Variants in KIN observed in about 807,000 individuals in gnomAD.
KIN encodes the protein Kin17 DNA and RNA binding protein, also known as DNA/RNA-binding protein KIN17.
A neutral mutation model predicts 63.0 loss-of-function variants in KIN; 47 were observed. That is an observed-to-expected ratio of 0.75 (90% confidence interval 0.59 to 0.95). The LOEUF is 0.95. Among genes scored for constraint, KIN ranks in the 40% least tolerant of loss-of-function variants. The pLI is 0.00. For synonymous variants in KIN, 160 were observed against 157.7 expected, an observed-to-expected ratio of 1.01 and a Z score of -0.11; for missense variants, 408 against 460.9, an observed-to-expected ratio of 0.89 and a Z score of 1.05.
intron 5 of KIN, among the ~76,000 whole-genome samples, chr10:7,776,402 T>A (rs1316418173): frequency 1.5e-5 from 2 of 134,674 alleles, no homozygotes; most frequent in Admixed American, 7.7e-5. Flanking sequence ...TTTAGCCGGG[T>A]GTGATGGCGG....
chr10:7,787,963 C>G lies in KIN; in HGVS notation c.-30G>C. On this transcript the variant is annotated 5_prime_UTR_variant, in exon 1 of 13. Transcript: ENST00000379562. Reference sequence around the variant, plus strand: ...ACCACGGCAGCGATCACTTTCTGGACCCCAGTACTCAGCCAGCCGGAAACG... The same window carrying G: ...ACCACGGCAGCGATCACTTTCTGGAGCCCAGTACTCAGCCAGCCGGAAACG... 6.5e-7 allele frequency: 1 copy of G among 1,531,830 alleles called. No homozygotes were observed. Among genetic ancestry groups the G allele is most frequent in the Non-Finnish European group, 9.0e-7 (1 of 1,105,186 alleles). 94.9% of individuals were successfully genotyped at this position (1,531,830 alleles called of 1,614,324 possible). A position where few individuals can be genotyped will look rare whatever the true frequency, so the allele number is the denominator to read the frequency against.
chr10:7,775,401 A>G (rs1298917663), intron 6 of KIN, among the ~76,000 whole-genome samples: 1 of 152,194 alleles, frequency 6.6e-6, no homozygotes, highest in African/African-American at 2.4e-5. Context: ...GCATCCAGAG[A>G]TGCTCTCTGC....
chr10:7,780,140 A>G lies in KIN; in HGVS notation c.292T>C (p.Tyr98His). Residue 98 changes from tyrosine (Y) to histidine (H), a missense_variant, in exon 4 of 13, where the codon TAC (tyrosine) becomes CAC (histidine). Coordinates refer to ENST00000379562, the MANE Select transcript of KIN (RefSeq NM_012311.4). Reference protein sequence around the residue: ...RVHNNIVYNEYISHREHIHMN... With the variant: ...RVHNNIVYNEHISHREHIHMN... ...TGGATGTGCTCTCGGTGGCTGATGT[A>G]TTCGTTGTAGACAATGTTGTTGTGG... 2 of 1,613,964 alleles carry G rather than the reference A, an allele frequency of 1.2e-6. No homozygotes were observed. The highest frequency in any genetic ancestry group is 1.7e-6 in the Non-Finnish European group (2 of 1,179,912).
At chr10:7,786,834 C>T (rs1453354972) in intron 1 of KIN, among the ~76,000 whole-genome samples, 1 of 152,170 alleles carries the variant, frequency 6.6e-6, no homozygotes, top group African/African-American at 2.4e-5. Flanking sequence ...TTAGATAATG[C>T]ATATACAGGT....
chr10:7,755,409 T>C lies in KIN; in HGVS notation c.*671A>G, dbSNP rs1245568244. 6.6e-6 allele frequency: 1 copy of C among 152,234 alleles called. No homozygotes were observed. Among genetic ancestry groups the C allele is most frequent in the African/African-American group, 2.4e-5 (1 of 41,460 alleles). The allele number at this position is 152,234 out of a possible 1,614,324, so 9.4% of individuals were successfully genotyped here. On this transcript the variant is annotated 3_prime_UTR_variant, in exon 13 of 13. Transcript: ENST00000379562. ...GCCAGTCATAAAAGATCACATATTA[T>C]ATGATTCCATTTATAAGAAATGTCC...
chr10:7,777,298 A>G (rs975263938), intron 5 of KIN, among the ~76,000 whole-genome samples: 1 of 151,860 alleles, frequency 6.6e-6, no homozygotes, highest in East Asian at 1.9e-4. Context: ...TGAATAATCA[A>G]TCGTGGTATA....
intron 1 of KIN, among the ~76,000 whole-genome samples, chr10:7,783,717 A>C (rs1392747420): frequency 2.0e-5 from 3 of 152,156 alleles, no homozygotes; most frequent in Non-Finnish European, 4.4e-5. Flanking sequence ...GACTTAGTAT[A>C]CCTCTCCTTA....
chr10:7,762,732 A>C (rs3765538), intron 10 of KIN, among the ~76,000 whole-genome samples, 176 bp from the exon 11 acceptor site: 6,413 of 152,288 alleles, frequency 0.042, 281 homozygotes, highest in East Asian at 0.24. Flanking sequence ...TATGGTTCTC[A>C]ATAAAGAACT....
chr10:7,757,547 T>A (rs1835355657), intron 12 of KIN, among the ~76,000 whole-genome samples: 1 of 151,832 alleles, frequency 6.6e-6, no homozygotes, highest in South Asian at 2.1e-4. Context: ...AAATTAAAAT[T>A]AAATTTGACA....
intron 9 of KIN, among the ~76,000 whole-genome samples, chr10:7,764,086 C>T (rs1001636004): frequency 5.3e-5 from 8 of 152,140 alleles, no homozygotes; most frequent in Admixed American, 2.6e-4. Context: ...GGACTGTTAT[C>T]GGTAAAATTC....
rs376466153 is a variant in KIN, at chr10:7,781,534, C to T, written c.210-1227G>A. Among the ~76,000 whole-genome samples, 116 of 151,424 alleles carry T rather than the reference C, an allele frequency of 7.7e-4. No individual in the cohort carries two copies. In the South Asian group the frequency reaches 0.023, roughly 30 times the overall value. ...TTGGGAGATCGAGAGAGGAGGATCA[C>T]TTGAGCCCAGGAGTTCAAGACCAGC... is the stretch of plus-strand genomic sequence containing the variant. On this transcript the variant is annotated intron_variant, in intron 2 of 12. Coordinates refer to ENST00000379562, the MANE Select transcript of KIN (RefSeq NM_012311.4).
Position 7,754,306 on chromosome 10 carries a change from G to A in KIN, c.*1774C>T, listed in dbSNP as rs543182377. 4.5e-5 allele frequency: 15 copies of A among 332,166 alleles called. No homozygotes were observed. Among genetic ancestry groups the A allele is most frequent in the Admixed American group, 2.0e-4 (5 of 25,296 alleles). The allele number at this position is 332,166 out of a possible 1,614,324, so 20.6% of individuals were successfully genotyped here. ...GCCATGATTGTGCCACTGCACTCCA[G>A]GCTGGATGACAGAGCAAGACCCTAT... On this transcript the variant is annotated 3_prime_UTR_variant, in exon 13 of 13. Transcript: ENST00000379562.
intron 6 of KIN, among the ~76,000 whole-genome samples, 160 bp from the exon 7 acceptor site, chr10:7,775,051 C>T (rs140767934): frequency 3.9e-5 from 6 of 152,310 alleles, no homozygotes; most frequent in Admixed American, 2.6e-4. Flanking sequence ...TCCTGTAAAA[C>T]GTCCCACACT....
At chr10:7,776,828 G>A (rs1835786796) in intron 5 of KIN, among the ~76,000 whole-genome samples, 1 of 151,314 alleles carries the variant, frequency 6.6e-6, no homozygotes, top group African/African-American at 2.4e-5. Context: ...GCTCAGGCAG[G>A]AGGAATGCTT....
At chr10:7,770,531 G>A (rs1307285414) in intron 7 of KIN, among the ~76,000 whole-genome samples, 1 of 152,208 alleles carries the variant, frequency 6.6e-6, no homozygotes, top group Non-Finnish European at 1.5e-5. Flanking sequence ...GCATCACACT[G>A]CACCTTGTAT....
chr10:7,770,644 T>C (rs1232392918), intron 7 of KIN, among the ~76,000 whole-genome samples: 1 of 152,232 alleles, frequency 6.6e-6, no homozygotes, highest in African/African-American at 2.4e-5. Flanking sequence ...ATTAAATAGA[T>C]GCTCCATTAA....
At chr10:7,776,360 G>A (rs771306610) in intron 5 of KIN, among the ~76,000 whole-genome samples, 2 of 149,650 alleles carry the variant, frequency 1.3e-5, no homozygotes, top group African/African-American at 2.5e-5. Context: ...GGCCAACGTG[G>A]TGAAACCCTG....
At chr10:7,772,165 T>A (rs984169705) in intron 7 of KIN, among the ~76,000 whole-genome samples, 1 of 152,036 alleles carries the variant, frequency 6.6e-6, no homozygotes, top group Non-Finnish European at 1.5e-5. Flanking sequence ...TAATAGTATG[T>A]AAAAAAATTC....
intron 11 of KIN, among the ~76,000 whole-genome samples, 178 bp from the exon 12 acceptor site, chr10:7,760,168 C>G (rs1183581969): frequency 6.6e-6 from 1 of 152,146 alleles, no homozygotes; most frequent in Non-Finnish European, 1.5e-5. Flanking sequence ...TGGATACTTT[C>G]ACTACTCGAA....
Sources: allele counts gnomAD v4.1 joint callset (sites outside exome capture counted in the v4.1 genomes callset), GRCh38; gene constraint gnomAD v4.1.1; transcripts MANE v1.5; gene names NCBI Gene and HGNC (gene_info 2026-07-23, HGNC 2026-07-21).